The following CHMP2B variants were observed in gnomAD, a reference collection of about 807,000 sequenced individuals.
The protein encoded by CHMP2B is charged multivesicular body protein 2B, also known as VPS2 homolog B.
A neutral mutation model predicts 29.8 loss-of-function variants in CHMP2B; 22 were observed. That is an observed-to-expected ratio of 0.74 (90% CI 0.53 to 1.05). CHMP2B has a LOEUF of 1.05. Among genes scored for constraint, CHMP2B ranks in the 50% least tolerant of loss-of-function variants. The pLI is 0.00. For missense variants in CHMP2B, 261 were observed against 252.2 expected, an observed-to-expected ratio of 1.03 and a Z score of -0.24; for synonymous variants, 78 against 75.8, an observed-to-expected ratio of 1.03 and a Z score of -0.15.
intron 1 of CHMP2B, among the ~76,000 whole-genome samples, chr3:87,230,742 A>G (rs1705893949): frequency 6.6e-6 from 1 of 152,126 alleles, no homozygotes; most frequent in African/African-American, 2.4e-5. Flanking sequence ...TCTTTACTTA[A>G]CAGACTGCCT....
chr3:87,227,908 T>G (rs2106887429), intron 1 of CHMP2B, among the ~76,000 whole-genome samples: 1 of 152,312 alleles, frequency 6.6e-6, no homozygotes, highest in South Asian at 2.1e-4. Context: ...ATTGTTGCTC[T>G]TCAGTTGGGC....
At chr3:87,246,712 G>C (rs1477445833) in intron 3 of CHMP2B, among the ~76,000 whole-genome samples, 1 of 152,096 alleles carries the variant, frequency 6.6e-6, no homozygotes, top group Non-Finnish European at 1.5e-5. Context: ...TTCTATATCT[G>C]TAATCAGTGT....
At chr3:87,252,675 T>G (rs1706337203) in intron 4 of CHMP2B, among the ~76,000 whole-genome samples, 1 of 151,946 alleles carries the variant, frequency 6.6e-6, no homozygotes, top group African/African-American at 2.4e-5. Context: ...CCCGAGGTCT[T>G]TGTTTTTCTC....
chr3:87,249,931 G>C lies in CHMP2B; in HGVS notation c.378G>C (p.Gln126His). Residue 126 changes from glutamine to histidine, a missense_variant, in exon 4 of 6, where the codon CAG (glutamine) becomes CAC (histidine). Physicochemically the swap from Gln to His is conservative, Grantham distance 24. Coordinates refer to ENST00000263780, the MANE Select transcript of CHMP2B (RefSeq NM_014043.4). The part of the protein sequence containing the change: ...MDPQKTLQTM[Q>H]NFQKENMKME... ...CACAAAAGACATTACAAACAATGCA[G>C]AATTTCCAGAAGGAAAACATGAAAA... is the stretch of plus-strand genomic sequence containing the variant. The C allele has an allele frequency of 6.2e-7, 1 of 1,605,244 alleles. No homozygotes were observed. The highest frequency in any genetic ancestry group is 8.5e-7 in the Non-Finnish European group (1 of 1,174,166).
Position 87,227,393 on chromosome 3 carries a change from C to T in CHMP2B, c.-130C>T. The T allele has an allele frequency of 9.5e-7, 1 of 1,049,298 alleles. No individual in the cohort carries two copies. Among genetic ancestry groups the T allele is most frequent in the Non-Finnish European group, 1.5e-6 (1 of 678,866 alleles). The allele number at this position is 1,049,298 out of a possible 1,614,324, so 65.0% of individuals were successfully genotyped here. A position where few individuals can be genotyped will look rare whatever the true frequency, so the allele number is the denominator to read the frequency against. On this transcript the variant is annotated 5_prime_UTR_variant, in exon 1 of 6. Coordinates refer to ENST00000263780, the MANE Select transcript of CHMP2B (RefSeq NM_014043.4). Reference sequence around the variant, plus strand: ...CTTCCGCGGGTCCTGCCTGGCGACCCCGACCTCCTCCTGCTGTCTCTCCGC... The same window carrying T: ...CTTCCGCGGGTCCTGCCTGGCGACCTCGACCTCCTCCTGCTGTCTCTCCGC...
intron 1 of CHMP2B, among the ~76,000 whole-genome samples, chr3:87,238,907 G>A (rs1230696540): frequency 2.6e-5 from 4 of 152,078 alleles, no homozygotes; most frequent in Admixed American, 6.5e-5. Flanking sequence ...ACATTCCGAC[G>A]AGCAATATGC....
chr3:87,227,489 G>A lies in CHMP2B; in HGVS notation c.-34G>A, dbSNP rs199854996. 9.9e-6 allele frequency: 16 copies of A among 1,613,946 alleles called. No homozygotes were observed. Among genetic ancestry groups the A allele is most frequent in the East Asian group, 8.9e-5 (4 of 44,850 alleles). The stretch of plus-strand genomic sequence containing the variant: ...CTTTGCCAGCGTTGGGCCGGACCGG[G>A]CCGAGCCGGGCCGCCCGGGCGCAGT... On this transcript the variant is annotated 5_prime_UTR_variant, in exon 1 of 6. Transcript: ENST00000263780.
At chr3:87,239,637 C>A (rs1215427836) in intron 1 of CHMP2B, among the ~76,000 whole-genome samples, 1 of 152,134 alleles carries the variant, frequency 6.6e-6, no homozygotes, top group Non-Finnish European at 1.5e-5. Flanking sequence ...TTACTACTTG[C>A]TATCTATGTG....
In CHMP2B at chr3:87,253,880, G is replaced by C. The variant is rs1207089402; in HGVS notation, c.*58G>C. ...AATTATGTAGTATAAACCAAGCACA[G>C]TGCAGATTTCTTTTACAAAACACAT... On this transcript the variant is annotated 3_prime_UTR_variant, in exon 6 of 6. Coordinates refer to ENST00000263780, the MANE Select transcript of CHMP2B (RefSeq NM_014043.4). 8 of 1,233,266 alleles carry C rather than the reference G, an allele frequency of 6.5e-6. No homozygotes were observed. The highest frequency in any genetic ancestry group is 9.4e-6 in the Non-Finnish European group (8 of 849,130). The allele number at this position is 1,233,266 out of a possible 1,614,324, so 76.4% of individuals were successfully genotyped here.
At position 87,245,750 on chromosome 3, in the gene CHMP2B, A is replaced by C. The variant is rs188471297; in HGVS notation, c.163A>C (p.Lys55Gln). The change falls in exon 3 of 6, where the codon AAG (lysine) becomes CAG (glutamine). Residue 55 changes from lysine to glutamine, a missense_variant. By Grantham distance (53) the Lys-to-Gln change is moderately conservative. Transcript: ENST00000263780. ...TAAGAAAATGGCCAAGATTGGTAAT[A>C]AGGAAGCTTGCAAAGTTTTAGCCAA... The part of the protein sequence containing the change: ...EIKKMAKIGN[K>Q]EACKVLAKQL... 3.7e-5 allele frequency: 60 copies of C among 1,613,800 alleles called. No homozygotes were observed. In the East Asian group the frequency reaches 1.2e-3, roughly 31 times the overall value.
chr3:87,243,681 A>G (rs1706161971), intron 2 of CHMP2B, among the ~76,000 whole-genome samples: 1 of 152,104 alleles, frequency 6.6e-6, no homozygotes, highest in African/African-American at 2.4e-5. Context: ...GATATAATAG[A>G]TTAGGTTATC....
rs63751048 is a variant in CHMP2B, at chr3:87,253,736, C to T, written c.556C>T (p.Arg186Ter). The T allele has an allele frequency of 3.1e-6, 5 of 1,612,202 alleles. No homozygotes were observed. The highest frequency in any genetic ancestry group is 1.1e-5 in the South Asian group (1 of 91,038). ...GATGGCCAAAGCTCCATCAGCTGCT[C>T]GAAGCTTACCATCTGCCTCTACTTC... ...GKMAKAPSAA[R>*]SLPSASTSKA... is the part of the protein sequence containing the mutation. The change falls in exon 6 of 6, where the codon CGA (arginine) becomes TGA (stop). Residue 186 changes from arginine (R) to a stop codon, truncating the protein, a stop_gained. Transcript: ENST00000263780. LOFTEE classifies it high-confidence loss of function.
intron 1 of CHMP2B, among the ~76,000 whole-genome samples, chr3:87,238,012 A>G (rs1380107792): frequency 6.6e-6 from 1 of 152,228 alleles, no homozygotes; most frequent in Non-Finnish European, 1.5e-5. Context: ...ATTGAGAAAC[A>G]GAATAGGCAA....
intron 1 of CHMP2B, among the ~76,000 whole-genome samples, chr3:87,231,927 G>A (rs1485605466): frequency 6.6e-6 from 1 of 152,080 alleles, no homozygotes; most frequent in Admixed American, 6.5e-5. Flanking sequence ...TTCAAAGTTG[G>A]ATAATGCTTA....
In CHMP2B at chr3:87,254,258, T is replaced by TA. The variant is rs1309910397; in HGVS notation, c.*437dup. ...TTGTCTTTTGTAAGTGATTATGTGT[T>TA]ATGACCATAGGTGGTTACAGCTGCC... On this transcript the variant is annotated 3_prime_UTR_variant, in exon 6 of 6. Coordinates refer to ENST00000263780, the MANE Select transcript of CHMP2B (RefSeq NM_014043.4). The TA allele has an allele frequency of 5.8e-6, 1 of 171,538 alleles. No homozygotes were observed. The highest frequency in any genetic ancestry group is 2.4e-5 in the African/African-American group (1 of 41,598). The allele number at this position is 171,538 out of a possible 1,614,324, so 10.6% of individuals were successfully genotyped here.
At chr3:87,237,108 G>A (rs1026279493) in intron 1 of CHMP2B, among the ~76,000 whole-genome samples, 2 of 152,246 alleles carry the variant, frequency 1.3e-5, no homozygotes, top group South Asian at 4.1e-4. Flanking sequence ...GGGTGTTGGC[G>A]GATGAAGAGG....
intron 1 of CHMP2B, among the ~76,000 whole-genome samples, chr3:87,227,769 A>G (rs549539328): frequency 1.3e-5 from 2 of 152,030 alleles, no homozygotes; most frequent in South Asian, 2.1e-4. Context: ...TTGCTTCCCT[A>G]TCCTCACGAT....
At chr3:87,238,937 T>G (rs1706065851) in intron 1 of CHMP2B, among the ~76,000 whole-genome samples, 1 of 152,218 alleles carries the variant, frequency 6.6e-6, no homozygotes, top group African/African-American at 2.4e-5. Context: ...AATTTTCACA[T>G]CTTCATTAAC....
At chr3:87,232,705 T>G (rs780177043) in intron 1 of CHMP2B, among the ~76,000 whole-genome samples, 13 of 152,194 alleles carry the variant, frequency 8.5e-5, no homozygotes, top group Non-Finnish European at 1.9e-4. Flanking sequence ...TTCAGGTCCA[T>G]TGGCCTGTGA....
Sources: gnomAD v4.1 joint callset for allele counts (sites outside exome capture counted in the v4.1 genomes callset) on GRCh38, gnomAD v4.1.1 for gene constraint, MANE v1.5 for transcripts, NCBI Gene and HGNC (gene_info 2026-07-23, HGNC 2026-07-21) for gene names.